Variants in FBXW7 observed in about 807,000 individuals in gnomAD.
FBXW7 encodes F-box/WD repeat-containing protein 7.
In FBXW7, 11 loss-of-function variants were observed where a neutral mutation model predicts 86.3. The ratio of observed to expected loss-of-function variants is 0.13; its 90% CI spans 0.08 to 0.21. The LOEUF (loss-of-function observed/expected upper bound fraction) is 0.21. FBXW7 is among the 10% of genes least tolerant of loss of function. The pLI, the probability that FBXW7 is intolerant of heterozygous loss-of-function variation, is 1.00. For missense variants in FBXW7, 488 were observed against 847.4 expected (o/e 0.58, Z 5.27); for synonymous variants, 313 against 297.9 (o/e 1.05, Z -0.52).
intron 2 of FBXW7, among the ~76,000 whole-genome samples, chr4:152,456,360 T>TAAAAAAAAA (rs58250889): frequency 1.4e-5 from 1 of 72,122 alleles, no homozygotes; most frequent in African/African-American, 4.7e-5. Flanking sequence ...AAAAAATCCT[T>TAAAAAAAAA]AAAAAAAAAA....
intron 4 of FBXW7, among the ~76,000 whole-genome samples, chr4:152,409,412 C>G (rs1737725063): frequency 6.6e-6 from 1 of 152,030 alleles, no homozygotes; most frequent in African/African-American, 2.4e-5. Context: ...GTGAGAGCTT[C>G]TATTTATTGT....
At chr4:152,400,217 C>A (rs1736797963) in intron 4 of FBXW7, among the ~76,000 whole-genome samples, 1 of 152,130 alleles carries the variant, frequency 6.6e-6, no homozygotes, top group South Asian at 2.1e-4. Context: ...TGGTGCTGAA[C>A]CACCGAACAT....
intron 6 of FBXW7, among the ~76,000 whole-genome samples, chr4:152,345,287 G>C (rs914881501): frequency 6.6e-6 from 1 of 152,010 alleles, no homozygotes; most frequent in Admixed American, 6.6e-5. Context: ...TCATGAACCA[G>C]AGGCAAAATA....
intron 2 of FBXW7, among the ~76,000 whole-genome samples, chr4:152,442,341 C>T (rs768449414): frequency 2.0e-5 from 3 of 152,222 alleles, no homozygotes; most frequent in African/African-American, 4.8e-5. Context: ...GTAGCAAAAA[C>T]GAAATCTATG....
intron 2 of FBXW7, among the ~76,000 whole-genome samples, chr4:152,426,034 C>T (rs930888552): frequency 2.0e-5 from 3 of 152,152 alleles, no homozygotes; most frequent in Admixed American, 1.3e-4. Context: ...TCATACAGGG[C>T]TCTGTGTCGC....
chr4:152,369,595 C>T (rs188539702), intron 4 of FBXW7, among the ~76,000 whole-genome samples: 26 of 151,548 alleles, frequency 1.7e-4, no homozygotes, highest in African/African-American at 2.2e-4. Context: ...CATTTTGACA[C>T]GAAAAAAAGA....
intron 2 of FBXW7, among the ~76,000 whole-genome samples, chr4:152,454,444 C>T (rs1383895771): frequency 1.3e-5 from 2 of 151,890 alleles, no homozygotes; most frequent in African/African-American, 4.8e-5. Flanking sequence ...AATGACTATT[C>T]CAAATTCCAA....
At position 152,535,307 on chromosome 4, in the gene FBXW7, G is replaced by A. The variant is rs1455872519; in HGVS notation, c.-393C>T. On this transcript the variant is annotated 5_prime_UTR_variant, in exon 1 of 14. Coordinates refer to ENST00000281708, the MANE Select transcript of FBXW7 (RefSeq NM_001349798.2). ...GCCCCGCCGCCCTCGGGACTGGGGCGGGGGAGGGGGGCTCTAGGAACTCCT... is the reference window on the plus strand; with the variant it reads ...GCCCCGCCGCCCTCGGGACTGGGGCAGGGGAGGGGGGCTCTAGGAACTCCT... 6.5e-6 allele frequency: 2 copies of A among 309,020 alleles called. No individual in the cohort carries two copies. The highest frequency in any genetic ancestry group is 5.9e-6 in the Non-Finnish European group (1 of 169,198). 19.1% of individuals were successfully genotyped at this position (309,020 alleles called of 1,614,324 possible).
intron 4 of FBXW7, among the ~76,000 whole-genome samples, chr4:152,403,658 G>C (rs1318425658): frequency 6.6e-6 from 1 of 151,988 alleles, no homozygotes; most frequent in Non-Finnish European, 1.5e-5. Flanking sequence ...ATACAACCTA[G>C]ATCTCTCGCA....
chr4:152,421,859 C>G (rs1319428617), intron 2 of FBXW7, among the ~76,000 whole-genome samples: 3 of 152,120 alleles, frequency 2.0e-5, no homozygotes, highest in African/African-American at 7.2e-5. Context: ...AGTTTGCCAT[C>G]TTTTATTCTT....
At chr4:152,472,637 T>A (rs1744058850) in intron 2 of FBXW7, among the ~76,000 whole-genome samples, 1 of 152,168 alleles carries the variant, frequency 6.6e-6, no homozygotes, top group Admixed American at 6.5e-5. Context: ...TTACCTTTCA[T>A]GTAAAGGAAT....
intron 2 of FBXW7, among the ~76,000 whole-genome samples, chr4:152,415,609 T>G (rs2126895518): frequency 6.6e-6 from 1 of 152,224 alleles, no homozygotes; most frequent in South Asian, 2.1e-4. Context: ...AGTTTTATCT[T>G]ATTACTCCAC....
At chr4:152,458,626 G>C (rs543687115) in intron 2 of FBXW7, among the ~76,000 whole-genome samples, 1 of 152,178 alleles carries the variant, frequency 6.6e-6, no homozygotes, top group African/African-American at 2.4e-5. Flanking sequence ...TTAAAAATGA[G>C]AGCACAGTTA....
intron 4 of FBXW7, among the ~76,000 whole-genome samples, chr4:152,382,943 A>G (rs889044305): frequency 5.9e-5 from 9 of 151,916 alleles, no homozygotes; most frequent in Non-Finnish European, 1.3e-4. Context: ...AATGAGCACT[A>G]TTTTCAAGTG....
intron 2 of FBXW7, among the ~76,000 whole-genome samples, chr4:152,477,090 T>C (rs968526071): frequency 6.6e-6 from 1 of 150,938 alleles, no homozygotes; most frequent in Non-Finnish European, 1.5e-5. Flanking sequence ...CTCTGGTCAC[T>C]GCTACTGCTT....
intron 2 of FBXW7, among the ~76,000 whole-genome samples, chr4:152,485,954 A>T (rs1389015633): frequency 6.6e-6 from 1 of 152,132 alleles, no homozygotes; most frequent in Non-Finnish European, 1.5e-5. Flanking sequence ...TCACTGTGCT[A>T]ACATCACAGA....
chr4:152,339,938 A>G (rs1730554150), intron 6 of FBXW7, among the ~76,000 whole-genome samples: 1 of 151,840 alleles, frequency 6.6e-6, no homozygotes, highest in Admixed American at 6.6e-5. Context: ...AAAAAAAAAA[A>G]AAAAAGCTAA....
At chr4:152,466,445 C>A (rs1421706319) in intron 2 of FBXW7, among the ~76,000 whole-genome samples, 1 of 151,802 alleles carries the variant, frequency 6.6e-6, no homozygotes, top group South Asian at 2.1e-4. Context: ...ATCGCAGCTA[C>A]TCGGGAGGCT....
intron 2 of FBXW7, among the ~76,000 whole-genome samples, chr4:152,507,205 C>A (rs564248479): frequency 6.6e-6 from 1 of 152,200 alleles, no homozygotes; most frequent in African/African-American, 2.4e-5. Context: ...TGGCAAATGA[C>A]CCTCCCACAT....
Sources: gnomAD v4.1 joint callset for allele counts (sites outside exome capture counted in the v4.1 genomes callset) on GRCh38, gnomAD v4.1.1 for gene constraint, MANE v1.5 for transcripts, NCBI Gene and HGNC (gene_info 2026-07-23, HGNC 2026-07-21) for gene names.